LRRC2: variants seen among roughly 807,000 people sequenced by gnomAD.
LRRC2 encodes leucine-rich repeat-containing protein 2.
A neutral mutation model predicts 40.2 loss-of-function variants in LRRC2; 27 were observed. That is an observed-to-expected ratio of 0.67 (90% CI 0.49 to 0.93). The LOEUF is 0.93. LRRC2 is among the 40% of genes least tolerant of loss of function. The pLI is 0.00. For missense variants in LRRC2, 402 were observed against 439.6 expected, an observed-to-expected ratio of 0.91 and a Z score of 0.76; for synonymous variants, 147 against 158.9, an observed-to-expected ratio of 0.92 and a Z score of 0.56.
intron 5 of LRRC2, among the ~76,000 whole-genome samples, chr3:46,531,150 GAT>G (rs1704154276): frequency 2.3e-5 from 2 of 88,562 alleles, no homozygotes; most frequent in South Asian, 1.0e-3. Context: ...ATTATAGTTA[GAT>G]TTTTTTTTTT....
In LRRC2 at chr3:46,517,199, G is replaced by T. The variant is rs1703877113; in HGVS notation, c.*1815C>A. ...AGAAAGCTCCACTGGATGGTACTGG[G>T]CAAGACCACAGAGGAGATGATTCAT... On this transcript the variant is annotated 3_prime_UTR_variant, in exon 9 of 9. Coordinates refer to ENST00000395905, the MANE Select transcript of LRRC2 (RefSeq NM_024512.5). The T allele has an allele frequency of 6.6e-6, 1 of 151,520 alleles. No homozygotes were observed. Among genetic ancestry groups the T allele is most frequent in the Admixed American group, 6.6e-5 (1 of 15,234 alleles). The allele number at this position is 151,520 out of a possible 1,614,324, so 9.4% of individuals were successfully genotyped here. A position where few individuals can be genotyped will look rare whatever the true frequency, so the allele number is the denominator to read the frequency against.
intron 1 of LRRC2, chr3:46,557,421 C>A (rs1704830015): frequency 6.6e-6 from 1 of 152,212 alleles, no homozygotes; most frequent in Non-Finnish European, 1.5e-5. Flanking sequence ...ACTCAGCCTG[C>A]CTACACCCAG....
chr3:46,525,872 A>C (rs1214694608), intron 7 of LRRC2, among the ~76,000 whole-genome samples: 1 of 152,032 alleles, frequency 6.6e-6, no homozygotes, highest in Non-Finnish European at 1.5e-5. Context: ...GTTTTCCTAG[A>C]TATTTTAGAT....
In LRRC2 at chr3:46,548,792, G is replaced by C. The variant is rs137895060; in HGVS notation, c.125+2675C>G. Among the ~76,000 whole-genome samples, 17 of 152,274 alleles carry C rather than the reference G, an allele frequency of 1.1e-4. No homozygotes were observed. The East Asian group carries it at 3.3e-3, about 29-fold the overall frequency. ...CAATTTTTCCATGGATGAGGGGTTGGGGGGATGGTTTCGGGATAAAACTGT... is the reference window on the plus strand; with the variant it reads ...CAATTTTTCCATGGATGAGGGGTTGCGGGGATGGTTTCGGGATAAAACTGT... On this transcript the variant is annotated intron_variant, in intron 2 of 8. Transcript: ENST00000395905.
chr3:46,539,303 C>T, intron 3 of LRRC2, 102 bp from the exon 4 acceptor site: 1 of 1,143,780 alleles, frequency 8.7e-7, no homozygotes, highest in South Asian at 1.4e-5. Flanking sequence ...AGAAAGCAGA[C>T]ACGAGAGCAT....
At position 46,518,861 on chromosome 3, in the gene LRRC2, T is replaced by C. The variant is rs1195784896; in HGVS notation, c.*153A>G. On this transcript the variant is annotated 3_prime_UTR_variant, in exon 9 of 9. Coordinates refer to ENST00000395905, the MANE Select transcript of LRRC2 (RefSeq NM_024512.5). The stretch of plus-strand genomic sequence containing the variant: ...TCCATGGAGGGAGATACTCATGTAT[T>C]TGACATTTGAAAACCATTTTTTTTA... 1 of 623,404 alleles carries C rather than the reference T, an allele frequency of 1.6e-6. No individual in the cohort carries two copies. The highest frequency in any genetic ancestry group is 2.2e-5 in the South Asian group (1 of 46,362). The allele number at this position is 623,404 out of a possible 1,614,324, so 38.6% of individuals were successfully genotyped here. A position where few individuals can be genotyped will look rare whatever the true frequency, so the allele number is the denominator to read the frequency against.
intron 2 of LRRC2, among the ~76,000 whole-genome samples, chr3:46,545,470 T>C (rs1704505204): frequency 6.6e-6 from 1 of 152,226 alleles, no homozygotes; most frequent in South Asian, 2.1e-4. Context: ...GTAGAGAAGA[T>C]GGGTTAGATG....
chr3:46,546,501 GC>G (rs1559416897), intron 2 of LRRC2, among the ~76,000 whole-genome samples: 2 of 152,222 alleles, frequency 1.3e-5, no homozygotes, highest in African/African-American at 4.8e-5. Flanking sequence ...CAGATGGATA[GC>G]CTTTTCCCGG....
At chr3:46,556,636 C>T (rs571257489) in intron 1 of LRRC2, among the ~76,000 whole-genome samples, 12 of 138,570 alleles carry the variant, frequency 8.7e-5, no homozygotes, top group East Asian at 2.2e-4. Context: ...TGGAGTGCAG[C>T]GGCGTGATCT....
intron 3 of LRRC2, among the ~76,000 whole-genome samples, chr3:46,542,453 T>C (rs1386357729): frequency 6.6e-6 from 1 of 150,572 alleles, no homozygotes; most frequent in Non-Finnish European, 1.5e-5. Context: ...GCCATGTTCA[T>C]GCCACTGCAC....
chr3:46,557,127 C>A (rs911730165), intron 1 of LRRC2, among the ~76,000 whole-genome samples: 1 of 152,180 alleles, frequency 6.6e-6, no homozygotes, highest in Non-Finnish European at 1.5e-5. Flanking sequence ...CCTGAAGTAA[C>A]TGAAGAATCA....
chr3:46,535,867 C>T lies in LRRC2; in HGVS notation c.491-2958G>A, dbSNP rs71327079. On this transcript the variant is annotated intron_variant, in intron 4 of 8. Coordinates refer to ENST00000395905, the MANE Select transcript of LRRC2 (RefSeq NM_024512.5). ...GCCAGGGATTCACCTACTCTAAATGCTTTCTATGTATTATCTATTTAATCC... is the reference window on the plus strand; with the variant it reads ...GCCAGGGATTCACCTACTCTAAATGTTTTCTATGTATTATCTATTTAATCC... Among the ~76,000 whole-genome samples the T allele has an allele frequency of 6.6e-3, 1,009 of 152,210 alleles. 3 individuals carry two copies. Among genetic ancestry groups the T allele is most frequent in the Non-Finnish European group, 9.9e-3 (671 of 68,012 alleles).
chr3:46,535,011 C>G (rs1277091494), intron 4 of LRRC2, among the ~76,000 whole-genome samples: 2 of 152,140 alleles, frequency 1.3e-5, no homozygotes, highest in Non-Finnish European at 2.9e-5. Flanking sequence ...ATGCCCTGAA[C>G]TAATATATTT....
intron 6 of LRRC2, 124 bp from the exon 7 acceptor site, chr3:46,527,705 G>A: frequency 1.3e-6 from 1 of 769,174 alleles, no homozygotes; most frequent in Non-Finnish European, 2.1e-6. Flanking sequence ...ACCTTTATGA[G>A]AACCAACTTA....
chr3:46,543,737 C>G (rs368311382), intron 3 of LRRC2, among the ~76,000 whole-genome samples: 50 of 152,150 alleles, frequency 3.3e-4, no homozygotes, highest in African/African-American at 1.2e-3. Flanking sequence ...GAACTGGACA[C>G]CCTTACAGGG....
rs34382739 is a variant in LRRC2, at chr3:46,554,641, T to TAA, written c.-19-3033_-19-3032dup. On this transcript the variant is annotated intron_variant, in intron 1 of 8. Transcript: ENST00000395905. The stretch of plus-strand genomic sequence containing the variant: ...TGGGAGACAGAGCAAGACTCTGTCT[T>TAA]AAAAAAAAAAAAAAAAGAAGAAGAA... 4.6e-3 allele frequency among the ~76,000 whole-genome samples: 627 copies of TAA among 137,348 alleles called. 3 individuals are homozygous for TAA. The highest frequency in any genetic ancestry group is 0.011 in the African/African-American group (418 of 37,600). The allele number at this position is 137,348 out of a possible 152,430, so 90.1% of individuals were successfully genotyped here.
intron 1 of LRRC2, among the ~76,000 whole-genome samples, chr3:46,556,836 C>T (rs1230178698): frequency 6.6e-6 from 1 of 152,158 alleles, no homozygotes; most frequent in Non-Finnish European, 1.5e-5. Flanking sequence ...CTCAGCCTCC[C>T]AAAGTGCTAG....
At chr3:46,521,234 C>T (rs1204682909) in intron 8 of LRRC2, among the ~76,000 whole-genome samples, 2 of 152,196 alleles carry the variant, frequency 1.3e-5, no homozygotes, top group African/African-American at 4.8e-5. Context: ...TAGTTAAAAA[C>T]TCACGTATGG....
At chr3:46,562,101 C>T (rs1490868304) in intron 1 of LRRC2, among the ~76,000 whole-genome samples, 1 of 152,230 alleles carries the variant, frequency 6.6e-6, no homozygotes, top group Non-Finnish European at 1.5e-5. Flanking sequence ...CTTAGTGACT[C>T]ACTTCTAATG....
Sources: allele counts gnomAD v4.1 joint callset (sites outside exome capture counted in the v4.1 genomes callset), GRCh38; gene constraint gnomAD v4.1.1; transcripts MANE v1.5; gene names NCBI Gene and HGNC (gene_info 2026-07-23, HGNC 2026-07-21).